Variants in KCNK13 observed in about 807,000 individuals in gnomAD.
KCNK13 encodes the protein potassium channel subfamily K member 13.
In KCNK13, 12 loss-of-function variants were observed where a neutral mutation model predicts 23.4. The observed-to-expected ratio is 0.51, with a 90% CI of 0.33 to 0.83. KCNK13 has a LOEUF of 0.83. KCNK13 is among the 40% of genes least tolerant of loss of function. KCNK13 has a pLI of 0.02. For synonymous variants in KCNK13, 231 were observed against 229.5 expected (o/e 1.01, Z -0.06); for missense variants, 463 against 556.3 (o/e 0.83, Z 1.69).
At chr14:90,108,102 T>C (rs1889568602) in intron 1 of KCNK13, 1 of 447,852 alleles carries the variant, frequency 2.2e-6, no homozygotes, top group Admixed American at 3.4e-5. Flanking sequence ...AACAGCTTTT[T>C]TCTTCTTTTG....
intron 1 of KCNK13, among the ~76,000 whole-genome samples, chr14:90,131,827 G>A (rs1253240909): frequency 6.6e-6 from 1 of 152,234 alleles, no homozygotes; most frequent in Non-Finnish European, 1.5e-5. Flanking sequence ...CTTGTGCATT[G>A]CTTGTGGGAA....
intron 1 of KCNK13, among the ~76,000 whole-genome samples, chr14:90,078,878 G>C (rs925756517): frequency 1.3e-5 from 2 of 152,222 alleles, no homozygotes; most frequent in African/African-American, 4.8e-5. Flanking sequence ...GGCTCAAAAA[G>C]AGTGAGTAAC....
At chr14:90,133,977 C>T (rs17223824) in intron 1 of KCNK13, among the ~76,000 whole-genome samples, 15,051 of 152,218 alleles carry the variant, frequency 0.099, 1,063 homozygotes, top group Admixed American at 0.25. Flanking sequence ...GGGCCTACCT[C>T]GGGTCGGGCA....
chr14:90,154,750 AT>A (rs1317770603), intron 1 of KCNK13, among the ~76,000 whole-genome samples: 1 of 152,192 alleles, frequency 6.6e-6, no homozygotes, highest in Non-Finnish European at 1.5e-5. Flanking sequence ...TCTCTAGATA[AT>A]TTCAAAATTT....
intron 1 of KCNK13, among the ~76,000 whole-genome samples, chr14:90,161,907 G>A (rs913188227): frequency 6.6e-6 from 1 of 152,156 alleles, no homozygotes; most frequent in Non-Finnish European, 1.5e-5. Flanking sequence ...GGCTGGACGT[G>A]GTGGCTCACA....
chr14:90,163,941 C>T (rs1195646197), intron 1 of KCNK13, among the ~76,000 whole-genome samples: 1 of 152,176 alleles, frequency 6.6e-6, no homozygotes, highest in Non-Finnish European at 1.5e-5. Flanking sequence ...ATCCTCTTGC[C>T]TCAGCCTCCC....
rs1165506831 is a variant in KCNK13 at position 90,119,685 on chromosome 14, C to T, written c.334+57146C>T. Among the ~76,000 whole-genome samples the T allele has an allele frequency of 7.9e-5, 12 of 152,050 alleles. No homozygotes were observed. In the South Asian group the frequency reaches 1.2e-3, roughly 16 times the overall value. ...CATGATCTTGGCTCACTGCAAGCTC[C>T]GCCTCCCAGGTTCAAGCAATTCTCC... On this transcript the variant is annotated intron_variant, in intron 1 of 1. Transcript: ENST00000282146.
rs1888957011 is a variant in KCNK13 at position 90,062,500 on chromosome 14, G to A, written c.295G>A (p.Gly99Ser). 2.0e-6 allele frequency: 3 copies of A among 1,532,234 alleles called. No individual in the cohort carries two copies. Among genetic ancestry groups the A allele is most frequent in the Non-Finnish European group, 2.6e-6 (3 of 1,139,396 alleles). The allele number at this position is 1,532,234 out of a possible 1,614,324, so 94.9% of individuals were successfully genotyped here. A position where few individuals can be genotyped will look rare whatever the true frequency, so the allele number is the denominator to read the frequency against. Residue 99 changes from glycine to serine, a missense_variant, in exon 1 of 2, where the codon GGC becomes AGC. This residue lies in a region of KCNK13 where 153 missense variants were observed against 153.6 expected (regional missense o/e 1.00). Transcript: ENST00000282146. The surrounding 1 kb of genome is among the most constrained non-coding windows in gnomAD (Gnocchi z 4.5). ...DNVRPRWDFT[G>S]AFYFVGTVVS... is the part of the protein sequence containing the mutation. ...CGTCCGCCCGCGCTGGGACTTCACCGGCGCCTTCTACTTCGTGGGCACCGT... is the reference window on the plus strand; with the variant it reads ...CGTCCGCCCGCGCTGGGACTTCACCAGCGCCTTCTACTTCGTGGGCACCGT...
At chr14:90,087,184 C>G (rs1889291500) in intron 1 of KCNK13, among the ~76,000 whole-genome samples, 2 of 135,872 alleles carry the variant, frequency 1.5e-5, no homozygotes, top group South Asian at 4.5e-4. Context: ...TGGGGCCTCA[C>G]TATGTTGCCC....
rs764601039 is a variant in KCNK13, at chr14:90,062,159, C to T, written c.-47C>T. ...CCCGGGGGTGTGGGCGAGACTCCGC[C>T]GACGCCCGGTGCCGTGGGCCTGGGG... On this transcript the variant is annotated 5_prime_UTR_variant, in exon 1 of 2. Coordinates refer to ENST00000282146, the MANE Select transcript of KCNK13 (RefSeq NM_022054.4). This position sits in a 1 kb window ranked among gnomAD's most constrained non-coding sequence, Gnocchi z 4.5. 1.6e-6 allele frequency: 2 copies of T among 1,233,330 alleles called. No homozygotes were observed. Among genetic ancestry groups the T allele is most frequent in the Middle Eastern group, 3.0e-4 (1 of 3,354 alleles). 76.4% of individuals were successfully genotyped at this position (1,233,330 alleles called of 1,614,324 possible). A position where few individuals can be genotyped will look rare whatever the true frequency, so the allele number is the denominator to read the frequency against.
intron 1 of KCNK13, among the ~76,000 whole-genome samples, chr14:90,104,544 T>G (rs1889519663): frequency 6.6e-6 from 1 of 152,172 alleles, no homozygotes; most frequent in Admixed American, 6.5e-5. Context: ...TTGATAATAG[T>G]ATCTTTTTTA....
chr14:90,154,255 T>TCTACCCACAATGCCTGCTCTC (rs1227331838), intron 1 of KCNK13, among the ~76,000 whole-genome samples: 7 of 151,298 alleles, frequency 4.6e-5, no homozygotes, highest in African/African-American at 1.7e-4. Context: ...TGCCTGCTCT[T>TCTACCCACAATGCCTGCTCTC]CTACCCACAA....
chr14:90,183,168 A>C (rs1276010777), intron 1 of KCNK13, among the ~76,000 whole-genome samples: 1 of 152,216 alleles, frequency 6.6e-6, no homozygotes, highest in Non-Finnish European at 1.5e-5. Context: ...AAAGGTCAGG[A>C]GGGTGGAAAT....
At chr14:90,103,539 G>A (rs1339158164) in intron 1 of KCNK13, among the ~76,000 whole-genome samples, 1 of 151,916 alleles carries the variant, frequency 6.6e-6, no homozygotes, top group Admixed American at 6.6e-5. Flanking sequence ...ATAAAACTAG[G>A]GCATCCTGTC....
intron 1 of KCNK13, among the ~76,000 whole-genome samples, chr14:90,099,493 C>T (rs1477239628): frequency 6.6e-6 from 1 of 152,046 alleles, no homozygotes; most frequent in Non-Finnish European, 1.5e-5. Flanking sequence ...GGATTTGGCT[C>T]CAGGAGATTG....
At chr14:90,152,955 C>T (rs1160859464) in intron 1 of KCNK13, among the ~76,000 whole-genome samples, 1 of 152,190 alleles carries the variant, frequency 6.6e-6, no homozygotes, top group Non-Finnish European at 1.5e-5. Flanking sequence ...TGGGCCTTGA[C>T]ATTTCCCTAG....
intron 1 of KCNK13, among the ~76,000 whole-genome samples, chr14:90,093,560 CT>C (rs911882769): frequency 2.2e-4 from 34 of 152,290 alleles, no homozygotes; most frequent in African/African-American, 7.5e-4. Flanking sequence ...CGAGGCACCC[CT>C]GGTCCTCCCC....
At chr14:90,169,468 A>G (rs548666164) in intron 1 of KCNK13, among the ~76,000 whole-genome samples, 2 of 152,294 alleles carry the variant, frequency 1.3e-5, no homozygotes, top group East Asian at 1.9e-4. Flanking sequence ...GGAATACTCA[A>G]TGCTGCCTTA....
chr14:90,082,207 A>C (rs1286905), intron 1 of KCNK13, among the ~76,000 whole-genome samples: 3 of 151,584 alleles, frequency 2.0e-5, no homozygotes, highest in African/African-American at 4.8e-5. Flanking sequence ...GACTATAGGC[A>C]TATGCCACCA....
Sources: allele counts gnomAD v4.1 joint callset (sites outside exome capture counted in the v4.1 genomes callset), GRCh38; gene constraint gnomAD v4.1.1; regional missense constraint gnomAD v4.1.1; non-coding constraint Gnocchi (gnomAD v3.1); transcripts MANE v1.5; gene names NCBI Gene and HGNC (gene_info 2026-07-23, HGNC 2026-07-21).